The following GOLGA6L9 variants were observed in gnomAD, a reference collection of about 807,000 sequenced individuals.
GOLGA6L9 encodes the protein golgin subfamily A member 6-like protein 9.
GOLGA6L9 carries 19 observed loss-of-function variants against 51.3 expected under a neutral mutation model. The observed-to-expected ratio is 0.37, with a 90% CI of 0.26 to 0.54. The LOEUF (loss-of-function observed/expected upper bound fraction) is 0.54. Among genes scored for constraint, GOLGA6L9 ranks in the 20% least tolerant of loss-of-function variants. The probability of loss-of-function intolerance (pLI) is 0.83; values close to 1 mark genes in which losing one functional copy is unlikely to be tolerated. For synonymous variants in GOLGA6L9, 97 were observed against 184.2 expected (o/e 0.53, Z 3.83); for missense variants, 247 against 464.1 (o/e 0.53, Z 4.30).
chr15:82,416,792 G>T, the GOLGA6L9 span, among the ~76,000 whole-genome samples: 1 of 152,068 alleles, frequency 6.6e-6, no homozygotes, highest in Non-Finnish European at 1.5e-5. Context: ...CCATATCTTT[G>T]AGCTATGATT....
chr15:82,429,573 G>A (rs1466046422), upstream of GOLGA6L9, among the ~76,000 whole-genome samples: 9 of 152,040 alleles, frequency 5.9e-5, no homozygotes, highest in South Asian at 8.3e-4. Flanking sequence ...TTTTTATAGG[G>A]TCTATATCTC....
chr15:82,418,976 C>G, the GOLGA6L9 span, among the ~76,000 whole-genome samples: 2 of 152,178 alleles, frequency 1.3e-5, no homozygotes, highest in East Asian at 3.8e-4. Flanking sequence ...GTATTCTGTT[C>G]TGATTGCCAT....
chr15:82,425,850 GAA>G (rs1401051676), upstream of GOLGA6L9, among the ~76,000 whole-genome samples: 1 of 148,036 alleles, frequency 6.8e-6, no homozygotes, highest in Non-Finnish European at 1.5e-5. Flanking sequence ...TGTTGAGAGA[GAA>G]GAGTAGAATA....
At chr15:82,420,600 A>T in the GOLGA6L9 span, among the ~76,000 whole-genome samples, 2 of 152,156 alleles carry the variant, frequency 1.3e-5, no homozygotes, top group Non-Finnish European at 2.9e-5. Context: ...TGGATGAGGC[A>T]ACTGAAGGTA....
chr15:82,431,594 G>A lies in GOLGA6L9; in HGVS notation c.85-236G>A, dbSNP rs1481776274. The A allele has an allele frequency of 1.2e-4, 39 of 321,832 alleles. 2 individuals carry two copies. The highest frequency in any genetic ancestry group is 2.0e-4 in the Non-Finnish European group (38 of 190,836). 19.9% of individuals were successfully genotyped at this position (321,832 alleles called of 1,614,324 possible). ...ATTCATGGCAAAACCCCAGAGCTTG[G>A]AGTCAGAGGACTGAGTTTAAGTTCC... is the stretch of plus-strand genomic sequence containing the variant. On this transcript the variant is annotated intron_variant, in intron 1 of 8. Transcript: ENST00000618348.
chr15:82,427,431 C>A (rs1452722409), upstream of GOLGA6L9, among the ~76,000 whole-genome samples: 1 of 149,746 alleles, frequency 6.7e-6, no homozygotes, highest in Non-Finnish European at 1.5e-5. Context: ...TTTTTTCTTT[C>A]TTTCTTTCAC....
In GOLGA6L9 at chr15:82,436,644, T is replaced by C. The variant is rs2031699494; in HGVS notation, c.*233T>C. On this transcript the variant is annotated 3_prime_UTR_variant, in exon 9 of 9. Transcript: ENST00000618348. ...TAAATTTATTTTTGTTTCTAATTTA[T>C]AATTTAAATTTATTTGTAAAAAGTT... The C allele has an allele frequency of 5.4e-6, 2 of 369,680 alleles. No individual in the cohort carries two copies. The highest frequency in any genetic ancestry group is 9.0e-6 in the Non-Finnish European group (2 of 223,142). The allele number at this position is 369,680 out of a possible 1,614,324, so 22.9% of individuals were successfully genotyped here.
At chr15:82,429,435 CAAT>C (rs1484345225), upstream of GOLGA6L9, among the ~76,000 whole-genome samples, 3 of 132,198 alleles carry the variant, frequency 2.3e-5, no homozygotes, top group African/African-American at 9.6e-5. Context: ...GAAATCTTAA[CAAT>C]AATGTAGGAG....
At chr15:82,429,360 C>T (rs1265298359), upstream of GOLGA6L9, among the ~76,000 whole-genome samples, 21 of 152,288 alleles carry the variant, frequency 1.4e-4, no homozygotes, top group African/African-American at 5.1e-4. Context: ...CAGGGGTGAG[C>T]CACCGCACCT....
At chr15:82,420,619 G>T in the GOLGA6L9 span, among the ~76,000 whole-genome samples, 5 of 152,004 alleles carry the variant, frequency 3.3e-5, no homozygotes, top group South Asian at 1.0e-3. Context: ...TAGGTAACTT[G>T]TCCAAAGTCA....
chr15:82,433,744 GC>G (rs1232568432), intron 5 of GOLGA6L9, 95 bp downstream of exon 5: 1 of 594,884 alleles, frequency 1.7e-6, no homozygotes, highest in Non-Finnish European at 2.8e-6. Flanking sequence ...GGATGGAAGG[GC>G]TTTGAGGCAG....
chr15:82,429,888 T>C lies in GOLGA6L9; in HGVS notation c.-192T>C. The C allele has an allele frequency of 3.9e-6, 3 of 767,350 alleles. No homozygotes were observed. Among genetic ancestry groups the C allele is most frequent in the Non-Finnish European group, 6.9e-6 (3 of 431,744 alleles). The allele number at this position is 767,350 out of a possible 1,614,324, so 47.5% of individuals were successfully genotyped here. ...CTTTCCTTATGATGCTACAGGTCCC[T>C]CTGGACATGCTGCGCCTGGCCACGC... On this transcript the variant is annotated 5_prime_UTR_variant, in exon 1 of 9. Transcript: ENST00000618348.
At chr15:82,418,295 C>A in the GOLGA6L9 span, among the ~76,000 whole-genome samples, 1 of 152,124 alleles carries the variant, frequency 6.6e-6, no homozygotes, top group African/African-American at 2.4e-5. Flanking sequence ...CTTGGCAAGT[C>A]TTCTGGGGGG....
the GOLGA6L9 span, among the ~76,000 whole-genome samples, chr15:82,417,123 G>C: frequency 2.0e-5 from 3 of 152,264 alleles, no homozygotes; most frequent in East Asian, 1.9e-4. Flanking sequence ...TTTTGTAATT[G>C]ACTTTTCTTT....
chr15:82,432,513 G>T lies in GOLGA6L9; in HGVS notation c.205-59G>T, dbSNP rs1466584341. On this transcript the variant is annotated intron_variant, in intron 2 of 8. Coordinates refer to ENST00000618348, the MANE Select transcript of GOLGA6L9 (RefSeq NM_198181.4). ...GTTGATGGGGGAAGAAAGGAAGTCA[G>T]AGGGCTTAGACAGTGAGGGGGGACA... is the stretch of plus-strand genomic sequence containing the variant. The T allele has an allele frequency of 2.4e-4, 386 of 1,582,956 alleles. 5 individuals carry two copies. The Middle Eastern group carries it at 3.3e-3, about 13-fold the overall frequency.
chr15:82,433,264 G>A (rs1267728122), intron 4 of GOLGA6L9, among the ~76,000 whole-genome samples: 23 of 151,896 alleles, frequency 1.5e-4, no homozygotes, highest in African/African-American at 4.4e-4. Context: ...CTTTATGCTC[G>A]TGTTTCTGGA....
rs1219667470 is a variant in GOLGA6L9, at chr15:82,434,545, G to A, written c.945G>A (p.Leu315=). The change falls in exon 6 of 9, where the codon CTG becomes CTA. Residue 315 remains leucine, a synonymous_variant. Coordinates refer to ENST00000618348, the MANE Select transcript of GOLGA6L9 (RefSeq NM_198181.4). ...RLRELERMLE[L]GWEALYEQRA... ...GGGAGCTGGAGAGGATGCTGGAGCT[G>A]GGGTGGGAAGCCCTGTACGAGCAGC... The A allele has an allele frequency of 0.088, 136,498 of 1,544,104 alleles. 35 individuals carry two copies. The highest frequency in any genetic ancestry group is 0.32 in the African/African-American group (23,582 of 72,942).
At position 82,431,958 on chromosome 15, in the gene GOLGA6L9, C is replaced by T. The variant is rs1367558571; in HGVS notation, c.204+9C>T. 6 of 1,347,532 alleles carry T rather than the reference C, an allele frequency of 4.5e-6. 2 individuals are homozygous for T. The highest frequency in any genetic ancestry group is 5.9e-5 in the Admixed American group (2 of 33,812). 83.5% of individuals were successfully genotyped at this position (1,347,532 alleles called of 1,614,324 possible). On this transcript the variant is annotated intron_variant, in intron 2 of 8. Coordinates refer to ENST00000618348, the MANE Select transcript of GOLGA6L9 (RefSeq NM_198181.4). ...ACCACTCACCTGGGGATGTGAGTCT[C>T]GGCGGGCCAGGCTCCTGGGGACAGG...
chr15:82,427,365 CTCTT>C (rs2031230896), upstream of GOLGA6L9, among the ~76,000 whole-genome samples: 2 of 148,368 alleles, frequency 1.3e-5, no homozygotes, highest in South Asian at 2.2e-4. Context: ...TTCCCTCTCT[CTCTT>C]TCTTCCTTTC....
Sources: gnomAD v4.1 joint callset for allele counts (sites outside exome capture counted in the v4.1 genomes callset) on GRCh38, gnomAD v4.1.1 for gene constraint, MANE v1.5 for transcripts, NCBI Gene and HGNC (gene_info 2026-07-23, HGNC 2026-07-21) for gene names.